TFCP2: variants seen among roughly 807,000 people sequenced by gnomAD.
TFCP2 encodes transcription factor CP2.
TFCP2 carries 33 observed loss-of-function variants against 73.4 expected under a neutral mutation model. The ratio of observed to expected loss-of-function variants is 0.45; its 90% CI spans 0.34 to 0.60. TFCP2 has a LOEUF of 0.60. TFCP2 is among the 20% of genes least tolerant of loss of function. The pLI, the probability that TFCP2 is intolerant of heterozygous loss-of-function variation, is 0.01. For synonymous variants in TFCP2, 193 were observed against 211.6 expected (o/e 0.91, Z 0.76); for missense variants, 352 against 604.0 (o/e 0.58, Z 4.37).
intron 1 of TFCP2, among the ~76,000 whole-genome samples, chr12:51,151,468 T>A (rs1283949121): frequency 6.6e-6 from 1 of 152,148 alleles, no homozygotes; most frequent in African/African-American, 2.4e-5. Flanking sequence ...ACAGAGTCTC[T>A]CCCTGTCGCC....
chr12:51,142,203 CAAAAAAAAA>C (rs3053458), intron 1 of TFCP2, among the ~76,000 whole-genome samples: 1 of 52,742 alleles, frequency 1.9e-5, no homozygotes, highest in Non-Finnish European at 3.0e-5. Flanking sequence ...GACTCTGTCG[CAAAAAAAAA>C]AAAAAAAAAA....
At chr12:51,143,231 C>T (rs1462432437) in intron 1 of TFCP2, among the ~76,000 whole-genome samples, 2 of 151,780 alleles carry the variant, frequency 1.3e-5, no homozygotes, top group African/African-American at 4.8e-5. Flanking sequence ...CTACCTAACA[C>T]TGCCTTTTGG....
chr12:51,104,003 A>G (rs1239725616), intron 9 of TFCP2, 152 bp downstream of exon 9: 5 of 834,446 alleles, frequency 6.0e-6, no homozygotes, highest in Non-Finnish European at 1.0e-5. Context: ...AGTCCCTAGC[A>G]CAGTATCTGG....
At chr12:51,159,178 CAAAAAA>C (rs139446881) in intron 1 of TFCP2, among the ~76,000 whole-genome samples, 1 of 120,534 alleles carries the variant, frequency 8.3e-6, no homozygotes, top group Non-Finnish European at 1.7e-5. Context: ...GACTCTGTCT[CAAAAAA>C]AAAAGAAAAA....
At chr12:51,129,561 T>C (rs959148364) in intron 1 of TFCP2, among the ~76,000 whole-genome samples, 1 of 148,908 alleles carries the variant, frequency 6.7e-6, no homozygotes, top group African/African-American at 2.5e-5. Flanking sequence ...TAAGAATAAG[T>C]GAGGTGACCT....
intron 10 of TFCP2, among the ~76,000 whole-genome samples, chr12:51,102,400 G>A (rs1417278938): frequency 2.6e-5 from 4 of 151,904 alleles, no homozygotes; most frequent in African/African-American, 4.8e-5. Flanking sequence ...ACTGTTAGGC[G>A]TGGGCAACAT....
chr12:51,158,930 G>A (rs935723729), intron 1 of TFCP2, among the ~76,000 whole-genome samples: 41 of 149,322 alleles, frequency 2.7e-4, no homozygotes, highest in Admixed American at 4.7e-4. Flanking sequence ...TTGGGAGGCC[G>A]AGGCGGGAGA....
chr12:51,147,234 T>A (rs1161044432), intron 1 of TFCP2, among the ~76,000 whole-genome samples: 1 of 151,810 alleles, frequency 6.6e-6, no homozygotes, highest in Non-Finnish European at 1.5e-5. Flanking sequence ...TCCCAGCTAC[T>A]CGGGAGGCTG....
chr12:51,163,328 G>A (rs1037198445), intron 1 of TFCP2, among the ~76,000 whole-genome samples: 8 of 152,136 alleles, frequency 5.3e-5, no homozygotes, highest in South Asian at 2.1e-4. Context: ...GGTGGCTCAC[G>A]CCTATAATCC....
Position 51,103,698 on chromosome 12 carries a change from T to A in TFCP2, c.1032A>T (p.Thr344=). 1 of 1,614,066 alleles carries A rather than the reference T, an allele frequency of 6.2e-7. No individual in the cohort carries two copies. Among genetic ancestry groups the A allele is most frequent in the African/African-American group, 1.3e-5 (1 of 75,044 alleles). The change falls in exon 10 of 15, where the codon ACA becomes ACT. Residue 344 remains threonine (T), a synonymous_variant. Coordinates refer to ENST00000257915, the MANE Select transcript of TFCP2 (RefSeq NM_005653.5). The stretch of plus-strand genomic sequence containing the variant: ...AGAAGTTTGTGAAAAGCCTTGTGAA[T>A]GTAGAAAAACGATTTCGATGCAACC... ...QQWLHRNRFS[T]FTRLFTNFSG...
chr12:51,160,055 A>C (rs1373349030), intron 1 of TFCP2, among the ~76,000 whole-genome samples: 1 of 152,050 alleles, frequency 6.6e-6, no homozygotes, highest in Non-Finnish European at 1.5e-5. Context: ...GATTCTGCCA[A>C]AGCAACTGTT....
intron 13 of TFCP2, 28 bp from the exon 14 acceptor site, chr12:51,096,068 A>G (rs2136955395): frequency 6.2e-7 from 1 of 1,602,052 alleles, no homozygotes; most frequent in South Asian, 1.1e-5. Context: ...ATTTGTGATT[A>G]TTTAAATGAA....
intron 1 of TFCP2, among the ~76,000 whole-genome samples, chr12:51,153,234 G>A (rs116843557): frequency 0.021 from 3,154 of 152,166 alleles, 46 homozygotes; most frequent in Non-Finnish European, 0.034. Context: ...AAATTAGCTA[G>A]GTGTGGTGGT....
intron 1 of TFCP2, among the ~76,000 whole-genome samples, chr12:51,151,599 G>A (rs1941427612): frequency 6.6e-6 from 1 of 152,094 alleles, no homozygotes; most frequent in East Asian, 1.9e-4. Context: ...ACCACGCCCG[G>A]CTAATTTTTT....
chr12:51,116,834 C>T (rs1171734445), intron 3 of TFCP2, among the ~76,000 whole-genome samples: 1 of 152,166 alleles, frequency 6.6e-6, no homozygotes, highest in Non-Finnish European at 1.5e-5. Context: ...TCAGGCTGGT[C>T]TCAAACTCCC....
At chr12:51,162,690 T>G (rs1941673541) in intron 1 of TFCP2, among the ~76,000 whole-genome samples, 1 of 152,128 alleles carries the variant, frequency 6.6e-6, no homozygotes, top group African/African-American at 2.4e-5. Context: ...ATTTTTTTTG[T>G]GGTTGGGTCT....
chr12:51,158,119 A>G (rs556335219), intron 1 of TFCP2, among the ~76,000 whole-genome samples: 114 of 152,162 alleles, frequency 7.5e-4, no homozygotes, highest in African/African-American at 2.7e-3. Context: ...CTCTCACCTC[A>G]GCCTCCTGAG....
At chr12:51,129,468 G>T (rs1164716936) in intron 1 of TFCP2, among the ~76,000 whole-genome samples, 1 of 150,014 alleles carries the variant, frequency 6.7e-6, no homozygotes, top group African/African-American at 2.5e-5. Flanking sequence ...AGCCGAGATC[G>T]TGCCACTGTG....
chr12:51,146,454 G>A (rs1566225175), intron 1 of TFCP2, among the ~76,000 whole-genome samples: 1 of 151,130 alleles, frequency 6.6e-6, no homozygotes, highest in African/African-American at 2.4e-5. Flanking sequence ...ATATGAAAAG[G>A]TGCTGGCCTC....
Sources: gnomAD v4.1 joint callset for allele counts (sites outside exome capture counted in the v4.1 genomes callset) on GRCh38, gnomAD v4.1.1 for gene constraint, MANE v1.5 for transcripts, NCBI Gene and HGNC (gene_info 2026-07-23, HGNC 2026-07-21) for gene names.